BNC2: variants seen among roughly 807,000 people sequenced by gnomAD.
BNC2 encodes the protein zinc finger protein basonuclin-2.
In BNC2, 20 loss-of-function variants were observed where a neutral mutation model predicts 76.3. The ratio of observed to expected loss-of-function variants is 0.26; its 90% CI spans 0.18 to 0.38. BNC2 has a LOEUF of 0.38. BNC2 is among the 10% of genes least tolerant of loss of function. The pLI is 1.00. For missense variants in BNC2, 1,382 were observed against 1,399.8 expected (o/e 0.99, Z 0.20); for synonymous variants, 582 against 514.8 (o/e 1.13, Z -1.77).
chr9:16,529,619 A>T (rs181238030), intron 5 of BNC2, among the ~76,000 whole-genome samples: 223 of 152,302 alleles, frequency 1.5e-3, no homozygotes, highest in African/African-American at 4.8e-3. Context: ...TCAAAACTGC[A>T]TAATAGATGA....
rs575860894 is a variant in BNC2, at chr9:16,644,430, T to C, written c.331-61345A>G. Among the ~76,000 whole-genome samples, 9 of 152,156 alleles carry C rather than the reference T, an allele frequency of 5.9e-5. No homozygotes were observed. In the South Asian group the frequency reaches 1.9e-3, roughly 32 times the overall value. On this transcript the variant is annotated intron_variant, in intron 3 of 6. Transcript: ENST00000380672. ...AAATAAACTTCACAGGCAACAAAAC[T>C]TAAAATTAAAGCTGGTACTATCTAA...
At chr9:16,509,111 C>CCA (rs1822697109) in intron 5 of BNC2, among the ~76,000 whole-genome samples, 1 of 152,238 alleles carries the variant, frequency 6.6e-6, no homozygotes, top group East Asian at 1.9e-4. Flanking sequence ...CAACCGTAAG[C>CCA]CACCATGTTC....
intron 3 of BNC2, among the ~76,000 whole-genome samples, chr9:16,659,922 G>T (rs879012986): frequency 2.6e-5 from 4 of 152,160 alleles, no homozygotes; most frequent in Admixed American, 2.6e-4. Context: ...AAGGGGAAAG[G>T]ACTTTGTTAC....
At chr9:16,494,660 A>C (rs1359973088) in intron 5 of BNC2, among the ~76,000 whole-genome samples, 1 of 152,178 alleles carries the variant, frequency 6.6e-6, no homozygotes, top group Non-Finnish European at 1.5e-5. Flanking sequence ...CAAGTGAAGG[A>C]GGGAGAGAGG....
chr9:16,520,362 G>T (rs574293017), intron 5 of BNC2, among the ~76,000 whole-genome samples: 34 of 152,304 alleles, frequency 2.2e-4, no homozygotes, highest in Middle Eastern at 3.4e-3. Context: ...CCTTGAACAA[G>T]AAAGAAGCCA....
chr9:16,791,192 G>C (rs934110527), intron 1 of BNC2, among the ~76,000 whole-genome samples: 1 of 151,954 alleles, frequency 6.6e-6, no homozygotes, highest in Non-Finnish European at 1.5e-5. Context: ...CTCCCGAGTA[G>C]CTGGGACTAC....
chr9:16,834,323 G>T (rs1818652453), intron 1 of BNC2, among the ~76,000 whole-genome samples: 1 of 152,180 alleles, frequency 6.6e-6, no homozygotes, highest in Non-Finnish European at 1.5e-5. Context: ...ACTTGTTGGG[G>T]TCAATGTTCA....
At chr9:16,771,026 G>A (rs1299885496) in intron 1 of BNC2, among the ~76,000 whole-genome samples, 2 of 151,992 alleles carry the variant, frequency 1.3e-5, no homozygotes, top group African/African-American at 4.8e-5. Context: ...AAAATTAGCT[G>A]AGCATGGTGC....
At chr9:16,659,367 T>A (rs959649016) in intron 3 of BNC2, among the ~76,000 whole-genome samples, 7 of 152,034 alleles carry the variant, frequency 4.6e-5, no homozygotes, top group South Asian at 2.1e-4. Context: ...CACAGCACTT[T>A]GGGGGGCCGA....
intron 1 of BNC2, among the ~76,000 whole-genome samples, chr9:16,739,466 C>G (rs1824778131): frequency 6.6e-6 from 1 of 152,074 alleles, no homozygotes; most frequent in Non-Finnish European, 1.5e-5. Context: ...GTCAGGAGTT[C>G]GAGACCATCC....
intron 4 of BNC2, among the ~76,000 whole-genome samples, chr9:16,582,259 C>T (rs1368094022): frequency 1.3e-5 from 2 of 152,004 alleles, no homozygotes; most frequent in Admixed American, 1.3e-4. Flanking sequence ...TTTACTTAAA[C>T]AGAATAAACA....
At chr9:16,750,045 G>T (rs1489147522) in intron 1 of BNC2, among the ~76,000 whole-genome samples, 3 of 152,130 alleles carry the variant, frequency 2.0e-5, no homozygotes, top group Admixed American at 1.3e-4. Context: ...GACACTAATA[G>T]GAAATGGACA....
intron 1 of BNC2, among the ~76,000 whole-genome samples, chr9:16,793,937 C>T (rs1817582336): frequency 6.9e-6 from 1 of 145,174 alleles, no homozygotes; most frequent in South Asian, 2.2e-4. Flanking sequence ...CTCCTGACCT[C>T]GTGATCCTCC....
intron 5 of BNC2, among the ~76,000 whole-genome samples, chr9:16,497,808 G>A (rs1158005328): frequency 6.6e-6 from 1 of 152,046 alleles, no homozygotes; most frequent in Non-Finnish European, 1.5e-5. Context: ...CAATTATACA[G>A]AAAAACGCAG....
intron 3 of BNC2, among the ~76,000 whole-genome samples, chr9:16,717,766 C>G (rs746249494): frequency 3.3e-5 from 5 of 152,062 alleles, no homozygotes; most frequent in Admixed American, 1.3e-4. Flanking sequence ...AAGAGTATCT[C>G]AAAGTAGGCT....
At chr9:16,718,308 G>C (rs1351928210) in intron 3 of BNC2, among the ~76,000 whole-genome samples, 1 of 152,168 alleles carries the variant, frequency 6.6e-6, no homozygotes, top group African/African-American at 2.4e-5. Flanking sequence ...AGATGTTGGA[G>C]TTTGAATTCT....
At position 16,437,298 on chromosome 9, in the gene BNC2, G is replaced by T. The variant is rs767479416; in HGVS notation, c.896C>A (p.Ala299Asp). ...NNRTRSPSLLAHLENSNPSSI... is the reference protein window; with the variant it reads ...NNRTRSPSLLDHLENSNPSSI... ...GGAAGGATTGCTGTTCTCTAAGTGA[G>T]CAAGGAGGCTGGGACTCCTGGTGCG... Residue 299 changes from alanine to aspartate, a missense_variant, in exon 6 of 7, where the codon GCT becomes GAT. Ala to Asp is a moderately radical substitution (Grantham distance 126, BLOSUM62 -2). This residue lies in a region of BNC2 where 557 missense variants were observed against 540.9 expected (regional missense o/e 1.03). Transcript: ENST00000380672. 1.2e-6 allele frequency: 2 copies of T among 1,614,164 alleles called. No homozygotes were observed. The highest frequency in any genetic ancestry group is 1.7e-6 in the Non-Finnish European group (2 of 1,180,018).
chr9:16,498,388 C>G lies in BNC2; in HGVS notation c.669+54142G>C, dbSNP rs935888356. Among the ~76,000 whole-genome samples the G allele has an allele frequency of 1.0e-4, 15 of 150,702 alleles. No individual in the cohort carries two copies. In the South Asian group the frequency reaches 3.1e-3, roughly 32 times the overall value. ...GCAGTGACCTAGATGAGATTGGAGA[C>G]TACTATCCAAAGTGAAGTAACTTAG... is the stretch of plus-strand genomic sequence containing the variant. On this transcript the variant is annotated intron_variant, in intron 5 of 6. Coordinates refer to ENST00000380672, the MANE Select transcript of BNC2 (RefSeq NM_017637.6).
chr9:16,774,028 C>A (rs558097547), intron 1 of BNC2, among the ~76,000 whole-genome samples: 1 of 152,118 alleles, frequency 6.6e-6, no homozygotes, highest in South Asian at 2.1e-4. Flanking sequence ...ATTGCCCAGG[C>A]TGGAGTACAG....
Sources: allele counts gnomAD v4.1 joint callset (sites outside exome capture counted in the v4.1 genomes callset), GRCh38; gene constraint gnomAD v4.1.1; regional missense constraint gnomAD v4.1.1; transcripts MANE v1.5; gene names NCBI Gene and HGNC (gene_info 2026-07-23, HGNC 2026-07-21).